The following BTD variants were observed in gnomAD, a reference collection of about 807,000 sequenced individuals.
BTD encodes the protein biocytinase.
In BTD, 13 loss-of-function variants were observed where a neutral mutation model predicts 17.7. That is an observed-to-expected ratio of 0.74 (90% CI 0.48 to 1.17). The LOEUF (loss-of-function observed/expected upper bound fraction) is 1.17. BTD is among the 50% of genes most tolerant of loss of function. The probability of loss-of-function intolerance (pLI) is 0.00; values close to 1 mark genes in which losing one functional copy is unlikely to be tolerated. For synonymous variants in BTD, 240 were observed against 245.2 expected, an observed-to-expected ratio of 0.98 and a Z score of 0.20; for missense variants, 674 against 650.4, an observed-to-expected ratio of 1.04 and a Z score of -0.39.
chr3:15,681,655 C>T (rs2067559214), intron 3 of BTD, among the ~76,000 whole-genome samples: 1 of 152,118 alleles, frequency 6.6e-6, no homozygotes, highest in South Asian at 2.1e-4. Flanking sequence ...AAACTTTACC[C>T]TATAATTGTG....
chr3:15,700,149 A>G (rs996745038), intron 3 of BTD, among the ~76,000 whole-genome samples: 9 of 152,140 alleles, frequency 5.9e-5, no homozygotes, highest in South Asian at 2.1e-4. Flanking sequence ...AAAACCAAAC[A>G]CTGCATGTTC....
At chr3:15,703,017 G>T (rs1446921712) in intron 3 of BTD, among the ~76,000 whole-genome samples, 1 of 152,168 alleles carries the variant, frequency 6.6e-6, no homozygotes, top group East Asian at 1.9e-4. Context: ...TAAGTAATTT[G>T]CTGAAGGTCC....
chr3:15,628,416 C>T (rs1263122708), intron 1 of BTD, among the ~76,000 whole-genome samples: 5 of 152,222 alleles, frequency 3.3e-5, no homozygotes, highest in African/African-American at 9.6e-5. Context: ...AATTTTGACA[C>T]GTAGTTCTAG....
At chr3:15,622,968 A>T (rs538526534) in intron 1 of BTD, among the ~76,000 whole-genome samples, 3 of 152,346 alleles carry the variant, frequency 2.0e-5, no homozygotes, top group African/African-American at 7.2e-5. Flanking sequence ...TAATGGACTC[A>T]CAGTTCCACA....
At position 15,712,188 on chromosome 3, in the gene BTD, C is replaced by A. The variant is rs746296012; in HGVS notation, c.*2114C>A. The A allele has an allele frequency of 1.9e-6, 3 of 1,586,486 alleles. No individual in the cohort carries two copies. The highest frequency in any genetic ancestry group is 2.7e-5 in the African/African-American group (2 of 74,396). ...CAATCTGAAAAGCCGCTTAAGGCTG[C>A]CAAATGGAGGGGGAACATTCCATGT... On this transcript the variant is annotated 3_prime_UTR_variant, in exon 4 of 4. Coordinates refer to the BTD transcript ENST00000672141.
chr3:15,696,269 CTGAA>C, intron 3 of BTD: 2 of 1,400,798 alleles, frequency 1.4e-6, no homozygotes, highest in Non-Finnish European at 2.0e-6. Flanking sequence ...CAACAACATA[CTGAA>C]AATCCTAAAT....
intron 3 of BTD, chr3:15,677,705 A>G: frequency 1.9e-6 from 1 of 527,484 alleles, no homozygotes; most frequent in Non-Finnish European, 3.4e-6. Context: ...TGTAATATAT[A>G]ACATATATAT....
chr3:15,622,280 A>G (rs953021433), intron 1 of BTD, among the ~76,000 whole-genome samples: 2 of 152,096 alleles, frequency 1.3e-5, no homozygotes, highest in African/African-American at 4.8e-5. Flanking sequence ...TCTTTTGTAC[A>G]TTTCTCTTGA....
chr3:15,601,651 A>C (rs115586700), upstream of BTD: 42,760 of 1,553,458 alleles, frequency 0.028, 639 homozygotes, highest in Middle Eastern at 0.033. Flanking sequence ...GGGAGAGGTG[A>C]GAATGTAAAC....
At chr3:15,682,941 A>G (rs1469522903) in intron 3 of BTD, among the ~76,000 whole-genome samples, 1 of 152,214 alleles carries the variant, frequency 6.6e-6, no homozygotes, top group Non-Finnish European at 1.5e-5. Flanking sequence ...TGATCTTTAA[A>G]TGGCAACCAG....
At chr3:15,670,710 A>G (rs149882174) in intron 3 of BTD, among the ~76,000 whole-genome samples, 125 of 152,372 alleles carry the variant, frequency 8.2e-4, no homozygotes, top group African/African-American at 2.8e-3. Context: ...CAAGTTTCTA[A>G]TAAGTAGAAA....
At chr3:15,714,712 T>C, downstream of BTD, 1 of 1,247,544 alleles carries the variant, frequency 8.0e-7, no homozygotes, top group African/African-American at 1.5e-5. Flanking sequence ...GTGTAAACCT[T>C]AGTTTTACTT....
chr3:15,714,715 T>A, downstream of BTD: 1 of 1,232,302 alleles, frequency 8.1e-7, no homozygotes, highest in Non-Finnish European at 1.1e-6. Context: ...TAAACCTTAG[T>A]TTTACTTTGA....
intron 3 of BTD, among the ~76,000 whole-genome samples, chr3:15,704,945 C>T (rs1438599143): frequency 6.6e-6 from 1 of 152,128 alleles, no homozygotes; most frequent in East Asian, 1.9e-4. Flanking sequence ...CTAGATTATG[C>T]ACAGTCTCAT....
intron 3 of BTD, among the ~76,000 whole-genome samples, chr3:15,703,944 T>C (rs1173513182): frequency 6.6e-6 from 1 of 152,160 alleles, no homozygotes; most frequent in African/African-American, 2.4e-5. Context: ...AATATAACTG[T>C]TGATGATGGT....
intron 1 of BTD, among the ~76,000 whole-genome samples, chr3:15,625,531 T>G (rs2065044980): frequency 6.6e-6 from 1 of 151,908 alleles, no homozygotes; most frequent in Non-Finnish European, 1.5e-5. Context: ...TGGAGTTGTT[T>G]TTTGTTTGTT....
intron 3 of BTD, chr3:15,670,358 T>C (rs557594125): frequency 4.3e-6 from 7 of 1,613,768 alleles, no homozygotes; most frequent in East Asian, 2.2e-5. Flanking sequence ...GAAACTGCAA[T>C]AGGAGCTAGG....
chr3:15,627,403 T>G (rs1282333927), intron 1 of BTD, among the ~76,000 whole-genome samples: 1 of 152,186 alleles, frequency 6.6e-6, no homozygotes, highest in Non-Finnish European at 1.5e-5. Flanking sequence ...AAAAAATTTT[T>G]TTTTGGTAGA....
chr3:15,607,723 A>T (rs910552512), intron 1 of BTD, among the ~76,000 whole-genome samples: 16 of 152,240 alleles, frequency 1.1e-4, no homozygotes, highest in African/African-American at 3.9e-4. Flanking sequence ...GAAGCTAAAA[A>T]TGAAATTGCC....
Sources: allele counts gnomAD v4.1 joint callset (sites outside exome capture counted in the v4.1 genomes callset), GRCh38; gene constraint gnomAD v4.1.1; transcripts MANE v1.5; gene names NCBI Gene and HGNC (gene_info 2026-07-23, HGNC 2026-07-21).